The following TRPM6 variants were observed in gnomAD, a reference collection of about 807,000 sequenced individuals.
TRPM6 encodes transient receptor potential cation channel subfamily M member 6.
Under a neutral mutation model 247.6 loss-of-function variants are expected in TRPM6, and 111 were observed. The ratio of observed to expected loss-of-function variants is 0.45; its 90% CI spans 0.38 to 0.52. The LOEUF is 0.52. TRPM6 is among the 20% of genes least tolerant of loss of function. The pLI is 0.00. For synonymous variants in TRPM6, 892 were observed against 853.8 expected (o/e 1.04, Z -0.78); for missense variants, 2,126 against 2,421.5 (o/e 0.88, Z 2.56).
intron 33 of TRPM6, among the ~76,000 whole-genome samples, chr9:74,741,179 C>A (rs1315823296): frequency 1.3e-5 from 2 of 152,136 alleles, no homozygotes; most frequent in African/African-American, 4.8e-5. Context: ...CACTTTTAGG[C>A]TGTTGAAGAG....
chr9:74,847,022 C>T (rs1277877001), intron 3 of TRPM6, among the ~76,000 whole-genome samples: 1 of 152,140 alleles, frequency 6.6e-6, no homozygotes, highest in Admixed American at 6.5e-5. Context: ...CCTTTGCTAC[C>T]TTGAGTACAC....
chr9:74,833,441 G>A (rs1829610695), intron 6 of TRPM6, among the ~76,000 whole-genome samples: 2 of 152,132 alleles, frequency 1.3e-5, no homozygotes, highest in Admixed American at 1.3e-4. Flanking sequence ...GAACTAGGAG[G>A]GCCAAATTAA....
intron 3 of TRPM6, among the ~76,000 whole-genome samples, chr9:74,853,225 A>G (rs1176951926): frequency 1.4e-5 from 2 of 146,232 alleles, no homozygotes; most frequent in African/African-American, 2.5e-5. Flanking sequence ...CAGCCGCCCC[A>G]TCGGGGAAGT....
Position 74,785,591 on chromosome 9 carries a change from C to T in TRPM6, c.2919+283G>A, listed in dbSNP as rs372511069. Among the ~76,000 whole-genome samples the T allele has an allele frequency of 5.9e-5, 9 of 152,182 alleles. No homozygotes were observed. In the East Asian group the frequency reaches 9.7e-4, roughly 16 times the overall value. ...AAGCTGGAGTGCAGTGGCGCAATCT[C>T]GGCTCACTGCAAGCTCCGCCTCCCG... On this transcript the variant is annotated intron_variant, in intron 21 of 38. Transcript: ENST00000360774.
chr9:74,767,939 A>AAAT (rs1003542547), intron 25 of TRPM6, among the ~76,000 whole-genome samples: 11 of 152,172 alleles, frequency 7.2e-5, no homozygotes, highest in South Asian at 2.1e-4. Context: ...CACTCTATCT[A>AAAT]AATAATAATA....
intron 1 of TRPM6, chr9:74,887,310 A>ACGGC: frequency 1.5e-6 from 2 of 1,368,388 alleles, no homozygotes; most frequent in Non-Finnish European, 1.9e-6. Flanking sequence ...GCGCGGAGGG[A>ACGGC]CGGCCGTCTG....
At chr9:74,781,548 A>AGAAG in intron 23 of TRPM6, among the ~76,000 whole-genome samples, 1 of 150,140 alleles carries the variant, frequency 6.7e-6, no homozygotes, top group African/African-American at 2.4e-5. Flanking sequence ...AAAAAAAAAA[A>AGAAG]AAAAAGAAGA....
Position 74,786,057 on chromosome 9 carries a change from T to G in TRPM6, c.2736A>C (p.Leu912Phe). The G allele has an allele frequency of 6.2e-7, 1 of 1,614,242 alleles. No homozygotes were observed. The highest frequency in any genetic ancestry group is 1.3e-5 in the African/African-American group (1 of 75,054). The change falls in exon 21 of 39, where the codon TTA becomes TTC. Residue 912 changes from leucine (L) to phenylalanine (F), a missense_variant. This residue lies in a region of TRPM6 where 1,082 missense variants were observed against 1,307.9 expected (regional missense o/e 0.83). Coordinates refer to ENST00000360774, the MANE Select transcript of TRPM6 (RefSeq NM_017662.5). The stretch of plus-strand genomic sequence containing the variant: ...ACAGGCCAATGGCCACAGTTTCTGT[T>G]AAGTTCCAGTACTCACTAATCCATA... Reference protein sequence around the residue: ...VKVWISEYWNLTETVAIGLFS... With the variant: ...VKVWISEYWNFTETVAIGLFS...
At chr9:74,809,530 T>C (rs927490448) in intron 13 of TRPM6, among the ~76,000 whole-genome samples, 1 of 152,246 alleles carries the variant, frequency 6.6e-6, no homozygotes, top group Non-Finnish European at 1.5e-5. Context: ...AATGCTCTTA[T>C]TGCTGCTAGT....
intron 1 of TRPM6, among the ~76,000 whole-genome samples, chr9:74,867,404 G>C (rs1215946400): frequency 6.6e-6 from 1 of 152,146 alleles, no homozygotes; most frequent in Non-Finnish European, 1.5e-5. Context: ...CACTAGAGTG[G>C]AGTCTGTGAG....
At chr9:74,829,036 T>C (rs1340457982) in intron 6 of TRPM6, among the ~76,000 whole-genome samples, 1 of 152,184 alleles carries the variant, frequency 6.6e-6, no homozygotes. Context: ...GTTATGCCTG[T>C]AATACCAGCA....
At chr9:74,776,098 G>A (rs1475726995) in intron 23 of TRPM6, 22 bp from the exon 24 acceptor site, 3 of 1,592,694 alleles carry the variant, frequency 1.9e-6, no homozygotes, top group Non-Finnish European at 1.7e-6. Context: ...AGTAAGAGAG[G>A]GACAATGTTT....
At chr9:74,765,454 C>T (rs189727726) in intron 25 of TRPM6, among the ~76,000 whole-genome samples, 13 of 151,712 alleles carry the variant, frequency 8.6e-5, no homozygotes, top group Admixed American at 3.3e-4. Flanking sequence ...TCTGGCATAT[C>T]ACATTGTTTT....
Position 74,761,742 on chromosome 9 carries a change from C to A in TRPM6, c.4739G>T (p.Arg1580Met), listed in dbSNP as rs1040669400. ...WVKAKMLTKD[R>M]RLSKKKKNTQ... is the part of the protein sequence containing the mutation. ...ATTCTTCTTTTTCTTTGACAGTCTC[C>A]TGTCTTTGGTTAGCATTTTCGCTTT... The change falls in exon 27 of 39, where the codon AGG becomes ATG. Residue 1580 changes from arginine (R) to methionine (M), a missense_variant. Coordinates refer to ENST00000360774, the MANE Select transcript of TRPM6 (RefSeq NM_017662.5). The A allele has an allele frequency of 1.9e-6, 3 of 1,613,952 alleles. No homozygotes were observed. Among genetic ancestry groups the A allele is most frequent in the Admixed American group, 1.7e-5 (1 of 60,022 alleles).
intron 1 of TRPM6, among the ~76,000 whole-genome samples, chr9:74,879,619 G>A (rs954771443): frequency 6.6e-6 from 1 of 152,082 alleles, no homozygotes; most frequent in Admixed American, 6.6e-5. Context: ...TATACCCTGG[G>A]AGAAGAAATT....
chr9:74,739,634 G>A, intron 34 of TRPM6, 89 bp downstream of exon 34: 3 of 1,575,236 alleles, frequency 1.9e-6, no homozygotes, highest in Non-Finnish European at 1.7e-6. Context: ...CCTTTGGGTT[G>A]AGGATAATGG....
At chr9:74,811,079 T>C (rs1478276657) in intron 12 of TRPM6, among the ~76,000 whole-genome samples, 1 of 152,162 alleles carries the variant, frequency 6.6e-6, no homozygotes, top group Non-Finnish European at 1.5e-5. Flanking sequence ...AAGATGCAAA[T>C]ATGTAGATAA....
Position 74,727,002 on chromosome 9 carries a change from C to T in TRPM6, c.5935+1237G>A, listed in dbSNP as rs183122806. Among the ~76,000 whole-genome samples the T allele has an allele frequency of 2.0e-4, 30 of 152,268 alleles. 1 individual carries two copies. The East Asian group carries it at 5.2e-3, about 26-fold the overall frequency. ...GTTATGGCCCTCTGCTCTCTGACTG[C>T]TGCATTTTGATCTCCCCACCCCTGG... On this transcript the variant is annotated intron_variant, in intron 38 of 38. Transcript: ENST00000360774.
intron 34 of TRPM6, 26 bp from the exon 35 acceptor site, chr9:74,739,475 A>AT: frequency 6.2e-7 from 1 of 1,601,656 alleles, no homozygotes; most frequent in Non-Finnish European, 8.6e-7. Flanking sequence ...CACTGATAAA[A>AT]ATACTGATTT....
Sources: gnomAD v4.1 joint callset for allele counts (sites outside exome capture counted in the v4.1 genomes callset) on GRCh38, gnomAD v4.1.1 for gene constraint, gnomAD v4.1.1 regional missense constraint, MANE v1.5 for transcripts, NCBI Gene and HGNC (gene_info 2026-07-23, HGNC 2026-07-21) for gene names.